The following MAP3K9 variants were observed in gnomAD, a reference collection of about 807,000 sequenced individuals.
The protein encoded by MAP3K9 is mixed lineage kinase 1 (tyr and ser/thr specificity).
In MAP3K9, 46 loss-of-function variants were observed where a neutral mutation model predicts 95.8. The observed-to-expected ratio is 0.48, with a 90% CI of 0.38 to 0.61. MAP3K9 has a LOEUF of 0.61. Among genes scored for constraint, MAP3K9 ranks in the 20% least tolerant of loss-of-function variants. The pLI is 0.00. For missense variants in MAP3K9, 1,296 were observed against 1,474.3 expected (o/e 0.88, Z 1.98); for synonymous variants, 533 against 593.8 (o/e 0.90, Z 1.49).
chr14:70,795,225 T>C (rs2054851578), intron 2 of MAP3K9, among the ~76,000 whole-genome samples: 1 of 151,864 alleles, frequency 6.6e-6, no homozygotes, highest in Non-Finnish European at 1.5e-5. Context: ...CTCGAACTCC[T>C]GACCTCGTGA....
intron 2 of MAP3K9, among the ~76,000 whole-genome samples, chr14:70,770,436 G>C (rs1028508603): frequency 6.6e-6 from 1 of 151,958 alleles, no homozygotes. Flanking sequence ...CGCCTGCCTC[G>C]GCCTCCCAAA....
chr14:70,753,791 G>A (rs1023063326), intron 3 of MAP3K9, among the ~76,000 whole-genome samples: 1 of 152,140 alleles, frequency 6.6e-6, no homozygotes, highest in Non-Finnish European at 1.5e-5. Flanking sequence ...CCGAGGCTTG[G>A]TAATCCCTTC....
At chr14:70,796,447 T>C (rs1427111924) in intron 2 of MAP3K9, among the ~76,000 whole-genome samples, 1 of 152,202 alleles carries the variant, frequency 6.6e-6, no homozygotes, top group African/African-American at 2.4e-5. Flanking sequence ...TACCGATGCA[T>C]GTCCTGCATT....
chr14:70,752,568 C>T (rs1594779846), intron 3 of MAP3K9, among the ~76,000 whole-genome samples: 1 of 152,214 alleles, frequency 6.6e-6, no homozygotes, highest in African/African-American at 2.4e-5. Flanking sequence ...CAGGAACTCT[C>T]AGCATTGCCA....
chr14:70,777,283 G>A (rs961778415), intron 2 of MAP3K9, among the ~76,000 whole-genome samples: 2 of 152,196 alleles, frequency 1.3e-5, no homozygotes, highest in African/African-American at 2.4e-5. Context: ...TCTAAAATGT[G>A]TGCCCTATCC....
intron 5 of MAP3K9, among the ~76,000 whole-genome samples, chr14:70,745,047 G>A (rs1304288786): frequency 6.6e-6 from 1 of 152,114 alleles, no homozygotes; most frequent in Non-Finnish European, 1.5e-5. Context: ...AACAAAGCAT[G>A]CCTACAAAAT....
chr14:70,783,779 GA>G (rs2054711986), intron 2 of MAP3K9, among the ~76,000 whole-genome samples: 1 of 152,206 alleles, frequency 6.6e-6, no homozygotes, highest in East Asian at 1.9e-4. Context: ...CAGCTGCAAA[GA>G]AACACCCCAG....
At chr14:70,736,139 T>TC in intron 8 of MAP3K9, 110 bp from the exon 9 acceptor site, 2 of 760,766 alleles carry the variant, frequency 2.6e-6, no homozygotes, top group Non-Finnish European at 4.8e-6. Context: ...CCAGCTGCCT[T>TC]CCCACTGTCC....
chr14:70,805,367 G>A (rs1397995669), intron 1 of MAP3K9, among the ~76,000 whole-genome samples: 1 of 152,160 alleles, frequency 6.6e-6, no homozygotes, highest in Non-Finnish European at 1.5e-5. Flanking sequence ...TCTCTTGTTA[G>A]AGAAACTTTC....
chr14:70,735,102 G>C (rs1316167991), intron 9 of MAP3K9, among the ~76,000 whole-genome samples: 3 of 152,246 alleles, frequency 2.0e-5, no homozygotes, highest in African/African-American at 7.2e-5. Flanking sequence ...GTAGTGCACA[G>C]TGCTGAAGCA....
rs773837469 is a variant in MAP3K9 at position 70,808,783 on chromosome 14, C to A, written c.389G>T (p.Cys130Phe). 8.9e-6 allele frequency: 14 copies of A among 1,580,118 alleles called. No homozygotes were observed. Among genetic ancestry groups the A allele is most frequent in the Non-Finnish European group, 1.2e-5 (14 of 1,166,564 alleles). Reference protein sequence around the residue: ...RCQPGGEDPSCYPPIQLLEID... With the variant: ...RCQPGGEDPSFYPPIQLLEID... ...CGCCTTACACTGAATGGGCGGGTAG[C>A]AACTGGGGTCCTCGCCGCCGGGCTG... Residue 130 changes from cysteine (C) to phenylalanine (F), a missense_variant, in exon 1 of 12, where the codon TGC becomes TTC. Around this residue, in one of 5 missense-constraint regions of MAP3K9, gnomAD observed 338 missense variants for 363.4 expected, o/e 0.93. Transcript: ENST00000554752.
chr14:70,745,325 C>T (rs958809265), intron 5 of MAP3K9, among the ~76,000 whole-genome samples: 1 of 152,088 alleles, frequency 6.6e-6, no homozygotes, highest in African/African-American at 2.4e-5. Flanking sequence ...GGAAGCTGAG[C>T]AGCAGGTAAA....
chr14:70,746,139 A>C (rs1594774504), intron 5 of MAP3K9, among the ~76,000 whole-genome samples: 1 of 152,264 alleles, frequency 6.6e-6, no homozygotes, highest in East Asian at 1.9e-4. Context: ...ATCAAAGCTA[A>C]TTTCAAGCTT....
chr14:70,808,329 G>A (rs964995778), intron 1 of MAP3K9, among the ~76,000 whole-genome samples: 2 of 152,084 alleles, frequency 1.3e-5, no homozygotes, highest in Non-Finnish European at 2.9e-5. Flanking sequence ...TTTAGGAGGC[G>A]GGGACAGGCG....
chr14:70,781,709 A>G (rs2054678756), intron 2 of MAP3K9, among the ~76,000 whole-genome samples: 2 of 152,248 alleles, frequency 1.3e-5, no homozygotes, highest in South Asian at 4.1e-4. Flanking sequence ...TGCCATGAGT[A>G]AATACTAGAA....
At chr14:70,795,714 A>G (rs1241283251) in intron 2 of MAP3K9, among the ~76,000 whole-genome samples, 1 of 151,956 alleles carries the variant, frequency 6.6e-6, no homozygotes, top group Non-Finnish European at 1.5e-5. Context: ...AAGCTTTTTC[A>G]TATTACTTGA....
At chr14:70,777,233 C>T (rs74817404) in intron 2 of MAP3K9, among the ~76,000 whole-genome samples, 2,839 of 152,266 alleles carry the variant, frequency 0.019, 37 homozygotes, top group Non-Finnish European at 0.03. Flanking sequence ...GTTCCTGCCC[C>T]CATCCATATC....
At chr14:70,767,894 T>G (rs1460045858) in intron 2 of MAP3K9, among the ~76,000 whole-genome samples, 1 of 152,180 alleles carries the variant, frequency 6.6e-6, no homozygotes, top group Non-Finnish European at 1.5e-5. Flanking sequence ...CTTGAACGCC[T>G]GGTCTCAAGC....
rs2053815447 is a variant in MAP3K9 at position 70,725,971 on chromosome 14, C to T, written c.*4409G>A. ...AGGAGGGAAAGTAGATAGCATCGTCCCCAGTTCACAGTAGGCTTCTGAAGT... is the reference window on the plus strand; with the variant it reads ...AGGAGGGAAAGTAGATAGCATCGTCTCCAGTTCACAGTAGGCTTCTGAAGT... On this transcript the variant is annotated 3_prime_UTR_variant, in exon 12 of 12. Coordinates refer to ENST00000554752, the MANE Select transcript of MAP3K9 (RefSeq NM_001284230.2). 1 of 152,180 alleles carries T rather than the reference C, an allele frequency of 6.6e-6. No individual in the cohort carries two copies. The highest frequency in any genetic ancestry group is 6.5e-5 in the Admixed American group (1 of 15,274). 9.4% of individuals were successfully genotyped at this position (152,180 alleles called of 1,614,324 possible).
Sources: allele counts gnomAD v4.1 joint callset (sites outside exome capture counted in the v4.1 genomes callset), GRCh38; gene constraint gnomAD v4.1.1; regional missense constraint gnomAD v4.1.1; transcripts MANE v1.5; gene names NCBI Gene and HGNC (gene_info 2026-07-23, HGNC 2026-07-21).